Variants in UGT2A1 observed in about 807,000 individuals in gnomAD.
UGT2A1 encodes the protein UDP-glucuronosyltransferase 2A1.
Under a neutral mutation model 45.4 loss-of-function variants are expected in UGT2A1, and 61 were observed. The ratio of observed to expected loss-of-function variants is 1.34; its 90% CI spans 1.09 to 1.66. The LOEUF (loss-of-function observed/expected upper bound fraction) is 1.66, where lower values mean the gene tolerates loss of function less well. Among genes scored for constraint, UGT2A1 ranks in the 40% most tolerant of loss-of-function variants. UGT2A1 has a pLI of 0.00. For missense variants in UGT2A1, 649 were observed against 574.3 expected (o/e 1.13, Z -1.33); for synonymous variants, 229 against 196.2 (o/e 1.17, Z -1.40).
chr4:69,599,245 C>T lies in UGT2A1; in HGVS notation c.996+1G>A. The T allele has an allele frequency of 6.2e-7, 1 of 1,612,968 alleles. No homozygotes were observed. The highest frequency in any genetic ancestry group is 8.5e-7 in the Non-Finnish European group (1 of 1,179,626). On this transcript the variant is annotated splice_donor_variant, in intron 4 of 6. Transcript: ENST00000286604. LOFTEE classifies it high-confidence loss of function. The stretch of plus-strand genomic sequence containing the variant: ...AAAATCCTCCACTGTTGTAGACCTA[C>T]CTTAGGTAAAGGTTTGGCAGGTTTG...
chr4:69,596,553 C>T (rs542574306), intron 4 of UGT2A1, among the ~76,000 whole-genome samples: 6 of 152,072 alleles, frequency 3.9e-5, no homozygotes, highest in African/African-American at 7.2e-5. Flanking sequence ...GGCAGAGTCT[C>T]GCTCTGTCGC....
rs1249036235 is a variant in UGT2A1, at chr4:69,594,512, C to T, written c.1269G>A (p.Leu423=). 6.2e-7 allele frequency: 1 copy of T among 1,614,124 alleles called. No individual in the cohort carries two copies. Among genetic ancestry groups the T allele is most frequent in the South Asian group, 1.1e-5 (1 of 91,080 alleles). ...TAATGACTGTTCTCAAAGCGCTAAGCAAATCCACACTTGTCATTGTGTTTA... is the reference window on the plus strand; with the variant it reads ...TAATGACTGTTCTCAAAGCGCTAAGTAAATCCACACTTGTCATTGTGTTTA... ...VNLNTMTSVD[L]LSALRTVINE... Residue 423 remains leucine, a synonymous_variant, in exon 6 of 7, where the codon TTG becomes TTA. Transcript: ENST00000286604.
chr4:69,601,709 T>C (rs560082107), intron 3 of UGT2A1, among the ~76,000 whole-genome samples: 1 of 151,674 alleles, frequency 6.6e-6, no homozygotes, highest in Admixed American at 6.6e-5. Flanking sequence ...TCTATGTAAC[T>C]CCCCTGCCAC....
At chr4:69,633,904 T>C (rs534085487) in intron 3 of UGT2A1, among the ~76,000 whole-genome samples, 5 of 152,112 alleles carry the variant, frequency 3.3e-5, no homozygotes, top group African/African-American at 7.2e-5. Context: ...GAAACTTCAA[T>C]GAGCTATAAA....
chr4:69,649,797 G>T (rs1722437944), intron 1 of UGT2A1, among the ~76,000 whole-genome samples: 1 of 152,084 alleles, frequency 6.6e-6, no homozygotes, highest in Admixed American at 6.6e-5. Context: ...AACATGCCTG[G>T]AGGTGCACAG....
At chr4:69,597,653 C>T (rs1382908867) in intron 4 of UGT2A1, among the ~76,000 whole-genome samples, 1 of 152,020 alleles carries the variant, frequency 6.6e-6, no homozygotes, top group East Asian at 1.9e-4. Flanking sequence ...TTTCTGAAGT[C>T]CCAGGAATTG....
chr4:69,612,673 C>T (rs189018160), intron 3 of UGT2A1, among the ~76,000 whole-genome samples: 276 of 151,990 alleles, frequency 1.8e-3, no homozygotes, highest in African/African-American at 6.4e-3. Context: ...ACTGGCTAGC[C>T]ATATGCAGAA....
chr4:69,614,323 G>T (rs947455870), intron 3 of UGT2A1, among the ~76,000 whole-genome samples: 7 of 151,772 alleles, frequency 4.6e-5, no homozygotes, highest in African/African-American at 1.7e-4. Flanking sequence ...GATTGAACAG[G>T]ACAGAAAAAA....
At chr4:69,626,349 T>C (rs918843016) in intron 3 of UGT2A1, among the ~76,000 whole-genome samples, 13 of 150,994 alleles carry the variant, frequency 8.6e-5, no homozygotes, top group African/African-American at 3.2e-4. Context: ...CCTTTAACCA[T>C]GGCAAAAAAA....
In UGT2A1 at chr4:69,648,032, G is replaced by T. The variant is rs578231516; in HGVS notation, c.-54-334C>A. Among the ~76,000 whole-genome samples the T allele has an allele frequency of 2.0e-5, 3 of 151,832 alleles. No homozygotes were observed. In the East Asian group the frequency reaches 5.8e-4, roughly 29 times the overall value. On this transcript the variant is annotated intron_variant, in intron 1 of 6. Coordinates refer to ENST00000286604, the MANE Select transcript of UGT2A1 (RefSeq NM_001252275.3). ...TTCAGGCCTAGGTATTGAAACCTCA[G>T]ATAGGACCAAAACTCATTCAGAAAT...
chr4:69,597,233 A>G (rs894727280), intron 4 of UGT2A1, among the ~76,000 whole-genome samples: 1 of 152,244 alleles, frequency 6.6e-6, no homozygotes, highest in African/African-American at 2.4e-5. Flanking sequence ...ATTTTAGAAC[A>G]GGATAACAAA....
rs1233769051 is a variant in UGT2A1, at chr4:69,599,374, C to T, written c.868G>A (p.Glu290Lys). The T allele has an allele frequency of 6.2e-7, 1 of 1,613,432 alleles. No homozygotes were observed. The highest frequency in any genetic ancestry group is 8.5e-7 in the Non-Finnish European group (1 of 1,179,840). The change falls in exon 4 of 7, where the codon GAG becomes AAG. Residue 290 changes from glutamate to lysine, a missense_variant. Coordinates refer to ENST00000286604, the MANE Select transcript of UGT2A1 (RefSeq NM_001252275.3). ...CAAATTTCAGCTTTCCCCATAGTCT[C>T]ACATAACGTAGTGGGTCTTCCTGGA... The part of the protein sequence containing the change: ...LPAGRPTTLC[E>K]TMGKAEIWLI...
chr4:69,619,624 A>T (rs1483378530), intron 3 of UGT2A1, among the ~76,000 whole-genome samples: 1 of 151,946 alleles, frequency 6.6e-6, no homozygotes, highest in African/African-American at 2.4e-5. Flanking sequence ...ACTTAAACAC[A>T]TTCTAAAACC....
At chr4:69,652,777 T>C (rs1033479755) in intron 1 of UGT2A1, among the ~76,000 whole-genome samples, 7 of 152,200 alleles carry the variant, frequency 4.6e-5, no homozygotes, top group East Asian at 1.9e-4. Flanking sequence ...ACCACAGTGG[T>C]CACTTGTGTA....
At chr4:69,651,434 G>T (rs1722520449) in intron 1 of UGT2A1, among the ~76,000 whole-genome samples, 1 of 152,076 alleles carries the variant, frequency 6.6e-6, no homozygotes, top group African/African-American at 2.4e-5. Flanking sequence ...TGTGTAATAT[G>T]ATTACTATAT....
intron 1 of UGT2A1, among the ~76,000 whole-genome samples, chr4:69,652,443 C>G (rs1389767828): frequency 6.6e-6 from 1 of 151,916 alleles, no homozygotes; most frequent in African/African-American, 2.4e-5. Flanking sequence ...ACCACCACAC[C>G]TGTCTAATTT....
rs531184485 is a variant in UGT2A1 at position 69,591,199 on chromosome 4, G to A, written c.1305-1548C>T. On this transcript the variant is annotated intron_variant, in intron 6 of 6. Transcript: ENST00000286604. ...TTGTAGCAAAATATGAGTGACCATG[G>A]CCCATGATAAAGCCCTCAGGAAGTC... 2.6e-5 allele frequency among the ~76,000 whole-genome samples: 4 copies of A among 152,202 alleles called. No homozygotes were observed. In the South Asian group the frequency reaches 8.3e-4, roughly 32 times the overall value.
At chr4:69,597,830 GTGAT>G (rs1363804523) in intron 4 of UGT2A1, among the ~76,000 whole-genome samples, 3 of 152,084 alleles carry the variant, frequency 2.0e-5, no homozygotes, top group African/African-American at 7.2e-5. Context: ...TGTGTACCCA[GTGAT>G]TGGCGTAATT....
Position 69,602,465 on chromosome 4 carries a change from A to G in UGT2A1, c.848-3071T>C, listed in dbSNP as rs1719352389. The stretch of plus-strand genomic sequence containing the variant: ...TAGAATAACAAAGATTTAGGAGTTT[A>G]TCTATCTATCTATCTATCTATCTAT... On this transcript the variant is annotated intron_variant, in intron 3 of 6. Coordinates refer to ENST00000286604, the MANE Select transcript of UGT2A1 (RefSeq NM_001252275.3). Among the ~76,000 whole-genome samples, 2 of 57,896 alleles carry G rather than the reference A, an allele frequency of 3.5e-5. 1 individual carries two copies. Among genetic ancestry groups the G allele is most frequent in the African/African-American group, 1.6e-4 (2 of 12,618 alleles). 38.0% of individuals were successfully genotyped at this position (57,896 alleles called of 152,430 possible).
Sources: gnomAD v4.1 joint callset for allele counts (sites outside exome capture counted in the v4.1 genomes callset) on GRCh38, gnomAD v4.1.1 for gene constraint, MANE v1.5 for transcripts, NCBI Gene and HGNC (gene_info 2026-07-23, HGNC 2026-07-21) for gene names.